Variants in DSCAM observed in about 807,000 individuals in gnomAD.
DSCAM encodes the protein cell adhesion molecule DSCAM.
In DSCAM, 47 loss-of-function variants were observed where a neutral mutation model predicts 217.7. That is an observed-to-expected ratio of 0.22 (90% CI 0.17 to 0.28). The LOEUF is 0.28. DSCAM is among the 10% of genes least tolerant of loss of function. DSCAM has a pLI of 1.00. For synonymous variants in DSCAM, 1,056 were observed against 1,015.3 expected (o/e 1.04, Z -0.76); for missense variants, 2,080 against 2,618.3 (o/e 0.79, Z 4.49).
intron 16 of DSCAM, among the ~76,000 whole-genome samples, chr21:40,159,512 T>G (rs1174344725): frequency 2.0e-5 from 3 of 152,230 alleles, no homozygotes; most frequent in East Asian, 1.9e-4. Flanking sequence ...ATATGAGAAC[T>G]GATAAAACTG....
intron 11 of DSCAM, among the ~76,000 whole-genome samples, chr21:40,273,761 G>A (rs2073650805): frequency 6.6e-6 from 1 of 152,164 alleles, no homozygotes; most frequent in African/African-American, 2.4e-5. Flanking sequence ...GCAGGGGCAG[G>A]TTCTAGCATC....
intron 32 of DSCAM, among the ~76,000 whole-genome samples, chr21:40,030,315 C>G (rs2088496146): frequency 6.6e-6 from 1 of 150,842 alleles, no homozygotes. Flanking sequence ...ACAGAGATCC[C>G]CACTGATCAA....
chr21:40,352,629 T>G (rs2074644684), intron 5 of DSCAM, among the ~76,000 whole-genome samples: 1 of 152,200 alleles, frequency 6.6e-6, no homozygotes. Flanking sequence ...GAGATTCTTG[T>G]GGTTAAATTT....
chr21:40,397,444 G>C (rs1161531439), intron 3 of DSCAM, among the ~76,000 whole-genome samples: 1 of 151,900 alleles, frequency 6.6e-6, no homozygotes, highest in Non-Finnish European at 1.5e-5. Context: ...TTCCCCCTTT[G>C]CCTTCCACCA....
intron 3 of DSCAM, among the ~76,000 whole-genome samples, chr21:40,613,504 A>T (rs2089344583): frequency 6.6e-6 from 1 of 152,214 alleles, no homozygotes; most frequent in Non-Finnish European, 1.5e-5. Flanking sequence ...TAAACAAGAG[A>T]TTTCTCAGAA....
chr21:40,772,704 A>G (rs542330437), intron 1 of DSCAM, among the ~76,000 whole-genome samples: 1 of 152,266 alleles, frequency 6.6e-6, no homozygotes, highest in South Asian at 2.1e-4. Context: ...CCAAATACAG[A>G]TAACTGCCGG....
chr21:40,281,271 G>A (rs2073756250), intron 10 of DSCAM, among the ~76,000 whole-genome samples: 1 of 152,188 alleles, frequency 6.6e-6, no homozygotes, highest in Non-Finnish European at 1.5e-5. Context: ...GATGGTAGAA[G>A]CACTGAAGTT....
At chr21:40,165,793 TCA>T (rs748145863) in intron 16 of DSCAM, among the ~76,000 whole-genome samples, 18 of 152,146 alleles carry the variant, frequency 1.2e-4, no homozygotes, top group Non-Finnish European at 2.4e-4. Flanking sequence ...GGGTAAAACT[TCA>T]CAGTCTTCAA....
intron 2 of DSCAM, among the ~76,000 whole-genome samples, chr21:40,705,639 G>A (rs77145780): frequency 1.3e-5 from 2 of 152,082 alleles, no homozygotes; most frequent in East Asian, 1.9e-4. Flanking sequence ...ATCAGATCTC[G>A]TGAGACTCAC....
chr21:40,024,529 A>G (rs1323222033), intron 32 of DSCAM, among the ~76,000 whole-genome samples: 1 of 72,768 alleles, frequency 1.4e-5, no homozygotes, highest in Non-Finnish European at 2.9e-5. Flanking sequence ...ATTTGTTTGT[A>G]TCCTCTTTTA....
At position 40,042,350 on chromosome 21, in the gene DSCAM, C is replaced by T. The variant is rs184450618; in HGVS notation, c.5686+21G>A. ...GTGCACTTCCCTAAGCGACGGCCCC[C>T]AGGTGGCCTTGCTCACCTACCTGGC... On this transcript the variant is annotated intron_variant, in intron 32 of 32. Coordinates refer to ENST00000400454, the MANE Select transcript of DSCAM (RefSeq NM_001389.5). 3.3e-4 allele frequency: 523 copies of T among 1,608,868 alleles called. 3 individuals carry two copies. The East Asian group carries it at 0.01, about 31-fold the overall frequency.
chr21:40,666,442 T>C (rs565644907), intron 3 of DSCAM, among the ~76,000 whole-genome samples: 60 of 152,286 alleles, frequency 3.9e-4, no homozygotes, highest in Admixed American at 1.6e-3. Flanking sequence ...GGGTTCCAGG[T>C]GGTCCCATTG....
At chr21:40,627,018 C>T (rs1177487345) in intron 3 of DSCAM, among the ~76,000 whole-genome samples, 1 of 152,134 alleles carries the variant, frequency 6.6e-6, no homozygotes, top group Non-Finnish European at 1.5e-5. Flanking sequence ...GCTCAGCCTA[C>T]TAGGAAGGGA....
At chr21:40,019,763 T>TAAAC (rs2088228465) in intron 32 of DSCAM, among the ~76,000 whole-genome samples, 1 of 152,200 alleles carries the variant, frequency 6.6e-6, no homozygotes, top group Non-Finnish European at 1.5e-5. Flanking sequence ...ATCATTGCCA[T>TAAAC]AAACACTGGC....
intron 29 of DSCAM, among the ~76,000 whole-genome samples, chr21:40,053,008 T>C (rs2837395): frequency 0.48 from 73,528 of 152,088 alleles, 18,695 homozygotes; most frequent in African/African-American, 0.62. Context: ...TTTTCAAAGA[T>C]TGCAGCCCAG....
At chr21:40,255,679 G>C (rs970063848) in intron 11 of DSCAM, among the ~76,000 whole-genome samples, 1 of 152,230 alleles carries the variant, frequency 6.6e-6, no homozygotes, top group Non-Finnish European at 1.5e-5. Flanking sequence ...AACAGAAGGA[G>C]AGTCAGAGAT....
At chr21:40,228,460 A>T (rs1246466333) in intron 11 of DSCAM, among the ~76,000 whole-genome samples, 1 of 152,134 alleles carries the variant, frequency 6.6e-6, no homozygotes, top group Non-Finnish European at 1.5e-5. Context: ...ACACTGATAC[A>T]CTTATCAGGG....
At chr21:40,329,661 A>T (rs1295385525) in intron 8 of DSCAM, among the ~76,000 whole-genome samples, 1 of 149,394 alleles carries the variant, frequency 6.7e-6, no homozygotes. Context: ...AATAAATAAT[A>T]AAAATAAAAA....
chr21:40,459,429 A>G (rs1045080847), intron 3 of DSCAM, among the ~76,000 whole-genome samples: 1 of 152,230 alleles, frequency 6.6e-6, no homozygotes, highest in Non-Finnish European at 1.5e-5. Flanking sequence ...AAAAACTCTT[A>G]GACATGGTAA....
Sources: gnomAD v4.1 joint callset for allele counts (sites outside exome capture counted in the v4.1 genomes callset) on GRCh38, gnomAD v4.1.1 for gene constraint, MANE v1.5 for transcripts, NCBI Gene and HGNC (gene_info 2026-07-23, HGNC 2026-07-21) for gene names.